Variants in ABAT observed in about 807,000 individuals in gnomAD.
ABAT encodes 4-aminobutyrate aminotransferase.
Under a neutral mutation model 64.6 loss-of-function variants are expected in ABAT, and 45 were observed. The observed-to-expected ratio is 0.70, with a 90% CI of 0.55 to 0.89. ABAT has a LOEUF of 0.89. Among genes scored for constraint, ABAT ranks in the 40% least tolerant of loss-of-function variants. The pLI, the probability that ABAT is intolerant of heterozygous loss-of-function variation, is 0.00. For synonymous variants in ABAT, 297 were observed against 250.5 expected (o/e 1.19, Z -1.75); for missense variants, 633 against 658.4 (o/e 0.96, Z 0.42).
In ABAT at chr16:8,781,152, G is replaced by A. The variant is rs1451230858; in HGVS notation, c.1382-157G>A. 1.6e-5 allele frequency: 17 copies of A among 1,070,650 alleles called. No individual in the cohort carries two copies. In the East Asian group the frequency reaches 2.4e-4, roughly 15 times the overall value. The allele number at this position is 1,070,650 out of a possible 1,614,324, so 66.3% of individuals were successfully genotyped here. A position where few individuals can be genotyped will look rare whatever the true frequency, so the allele number is the denominator to read the frequency against. ...AAGGAAATGAAGACTGGATGGGTGG[G>A]TGGTAGGAAGGAAGCCCGGGCTTCC... On this transcript the variant is annotated intron_variant, in intron 15 of 15. Coordinates refer to ENST00000268251, the MANE Select transcript of ABAT (RefSeq NM_020686.6). This position sits in a 1 kb window ranked among gnomAD's most constrained non-coding sequence, Gnocchi z 4.5.
intron 1 of ABAT, among the ~76,000 whole-genome samples, chr16:8,710,727 A>AGAGAGGGAGAGGGAGAGGGAGG (rs146344975): frequency 7.7e-5 from 8 of 103,758 alleles, no homozygotes; most frequent in African/African-American, 2.5e-4. Context: ...AGAGAGAGAG[A>AGAGAGGGAGAGGGAGAGGGAGG]GAGGAAATAG....
At chr16:8,697,900 G>A (rs1007142944) in intron 1 of ABAT, among the ~76,000 whole-genome samples, 1 of 152,188 alleles carries the variant, frequency 6.6e-6, no homozygotes, top group African/African-American at 2.4e-5. Context: ...GCCTCCCAAA[G>A]TGCTGGGATC....
chr16:8,736,105 GAGAGCA>G, intron 2 of ABAT: 1 of 424,214 alleles, frequency 2.4e-6, no homozygotes, highest in East Asian at 5.0e-5. Context: ...CTACAGGCAA[GAGAGCA>G]TGTGCAGGGG....
chr16:8,744,762 G>A (rs1298842400), intron 2 of ABAT, among the ~76,000 whole-genome samples: 1 of 151,716 alleles, frequency 6.6e-6, no homozygotes, highest in Non-Finnish European at 1.5e-5. Context: ...CAGCTACTTG[G>A]GAGGCCGAGG....
intron 1 of ABAT, chr16:8,715,754 TAATA>T (rs967528154): frequency 4.0e-5 from 6 of 150,794 alleles, no homozygotes; most frequent in South Asian, 2.1e-4. Context: ...AATATGCCAA[TAATA>T]AATAAATTAA....
At chr16:8,698,542 C>T (rs999385504) in intron 1 of ABAT, among the ~76,000 whole-genome samples, 1 of 152,126 alleles carries the variant, frequency 6.6e-6, no homozygotes, top group African/African-American at 2.4e-5. Context: ...CCATGTTGTC[C>T]AGGCTGGTCT....
At position 8,766,254 on chromosome 16, in the gene ABAT, C is replaced by A; in HGVS notation, c.587C>A (p.Thr196Lys). ...QRGFSQEELETCMINQAPGCP... is the reference protein window; with the variant it reads ...QRGFSQEELEKCMINQAPGCP... Reference sequence around the variant, plus strand: ...GGCTTCTCCCAGGAGGAGCTGGAGACGTGCATGATTAACCAGGTGAGTGCA... The same window carrying A: ...GGCTTCTCCCAGGAGGAGCTGGAGAAGTGCATGATTAACCAGGTGAGTGCA... The change falls in exon 9 of 16, where the codon ACG becomes AAG. Residue 196 changes from threonine to lysine, a missense_variant. Coordinates refer to ENST00000268251, the MANE Select transcript of ABAT (RefSeq NM_020686.6). 2 of 1,614,092 alleles carry A rather than the reference C, an allele frequency of 1.2e-6. No homozygotes were observed. Among genetic ancestry groups the A allele is most frequent in the Non-Finnish European group, 1.7e-6 (2 of 1,179,966 alleles).
chr16:8,700,941 T>C (rs911168287), intron 1 of ABAT, among the ~76,000 whole-genome samples: 1 of 150,658 alleles, frequency 6.6e-6, no homozygotes, highest in Non-Finnish European at 1.5e-5. Flanking sequence ...TTTGTTTTGT[T>C]TTTTCTCTTT....
At chr16:8,711,226 G>T (rs1326814553) in intron 1 of ABAT, among the ~76,000 whole-genome samples, 1 of 152,188 alleles carries the variant, frequency 6.6e-6, no homozygotes, top group Non-Finnish European at 1.5e-5. Flanking sequence ...CCTGCATCGT[G>T]AATATGGCCA....
chr16:8,680,277 C>G (rs2057300784), intron 1 of ABAT, among the ~76,000 whole-genome samples: 1 of 152,204 alleles, frequency 6.6e-6, no homozygotes, highest in Admixed American at 6.5e-5. Context: ...ACATCCATCA[C>G]ATTTATTCTT....
At chr16:8,682,220 CACACACAGAG>C (rs1257289385) in intron 1 of ABAT, among the ~76,000 whole-genome samples, 6 of 144,854 alleles carry the variant, frequency 4.1e-5, no homozygotes, top group Non-Finnish European at 9.3e-5. Flanking sequence ...CACACACACA[CACACACAGAG>C]GAGGCATTCA....
intron 1 of ABAT, among the ~76,000 whole-genome samples, chr16:8,701,764 C>G (rs1412250665): frequency 6.6e-6 from 1 of 152,110 alleles, no homozygotes; most frequent in Non-Finnish European, 1.5e-5. Flanking sequence ...AGGGGTGCAA[C>G]TGAAAATCAG....
chr16:8,696,566 G>A (rs377231139), intron 1 of ABAT, among the ~76,000 whole-genome samples: 44 of 152,250 alleles, frequency 2.9e-4, no homozygotes, highest in African/African-American at 4.1e-4. Context: ...GCAGTGAGCC[G>A]AAGCTGTGGA....
chr16:8,696,457 T>C (rs1377952793), intron 1 of ABAT, among the ~76,000 whole-genome samples: 1 of 152,096 alleles, frequency 6.6e-6, no homozygotes, highest in East Asian at 1.9e-4. Context: ...GCCCTGTCTC[T>C]ACTAAAAATA....
At chr16:8,733,133 C>A (rs921562895) in intron 1 of ABAT, among the ~76,000 whole-genome samples, 1 of 150,442 alleles carries the variant, frequency 6.6e-6, no homozygotes, top group East Asian at 2.0e-4. Flanking sequence ...GCTGACCCCC[C>A]CCCACCTCCC....
chr16:8,766,545 C>T (rs1199245551), intron 9 of ABAT, among the ~76,000 whole-genome samples: 1 of 152,080 alleles, frequency 6.6e-6, no homozygotes, highest in African/African-American at 2.4e-5. Flanking sequence ...ATCCCAGCTA[C>T]TTGGGAGGCT....
intron 1 of ABAT, among the ~76,000 whole-genome samples, chr16:8,734,679 T>C (rs2058859653): frequency 6.6e-6 from 1 of 152,222 alleles, no homozygotes; most frequent in Non-Finnish European, 1.5e-5. Flanking sequence ...GAATGACTCA[T>C]GAATGGTGCT....
chr16:8,712,646 G>A (rs1338374125), intron 1 of ABAT, among the ~76,000 whole-genome samples: 1 of 152,110 alleles, frequency 6.6e-6, no homozygotes, highest in African/African-American at 2.4e-5. Flanking sequence ...GTTCTGCCCC[G>A]ATTTGGGGGC....
Position 8,732,219 on chromosome 16 carries a change from T to G in ABAT, c.-41-3480T>G, listed in dbSNP as rs1343079249. 2.7e-4 allele frequency among the ~76,000 whole-genome samples: 39 copies of G among 145,966 alleles called. 1 individual carries two copies. Among genetic ancestry groups the G allele is most frequent in the African/African-American group, 8.9e-4 (33 of 36,928 alleles). ...TTGTTTTTTTTTTTTGTTTGTTTGTTTTTTTAATTTATTTATTTTTTATTG... is the reference window on the plus strand; with the variant it reads ...TTGTTTTTTTTTTTTGTTTGTTTGTGTTTTTAATTTATTTATTTTTTATTG... On this transcript the variant is annotated intron_variant, in intron 1 of 15. Coordinates refer to ENST00000268251, the MANE Select transcript of ABAT (RefSeq NM_020686.6).
Sources: gnomAD v4.1 joint callset for allele counts (sites outside exome capture counted in the v4.1 genomes callset) on GRCh38, gnomAD v4.1.1 for gene constraint, Gnocchi (gnomAD v3.1) non-coding constraint, MANE v1.5 for transcripts, NCBI Gene and HGNC (gene_info 2026-07-23, HGNC 2026-07-21) for gene names.